Variants in NXPE2 observed in about 807,000 individuals in gnomAD.
The protein encoded by NXPE2 is NXPE family member 2.
In NXPE2, 34 loss-of-function variants were observed where a neutral mutation model predicts 34.4. The ratio of observed to expected loss-of-function variants is 0.99; its 90% CI spans 0.75 to 1.31. The LOEUF is 1.31. Ranked by LOEUF, NXPE2 falls within the 40% of genes most tolerant of loss-of-function variation. The pLI, the probability that NXPE2 is intolerant of heterozygous loss-of-function variation, is 0.00. For synonymous variants in NXPE2, 235 were observed against 231.3 expected (o/e 1.02, Z -0.15); for missense variants, 649 against 672.5 (o/e 0.97, Z 0.39).
chr11:114,758,145 G>C, the NXPE2 span, among the ~76,000 whole-genome samples: 150 of 151,052 alleles, frequency 9.9e-4, no homozygotes, highest in Admixed American at 8.2e-3. Flanking sequence ...TGCTGGAGTT[G>C]TTCACAGACA....
chr11:114,642,882 A>T, the NXPE2 span, among the ~76,000 whole-genome samples: 2 of 152,098 alleles, frequency 1.3e-5, no homozygotes, highest in Non-Finnish European at 2.9e-5. Flanking sequence ...TCTCACCAAC[A>T]GTGTAAAATA....
the NXPE2 span, chr11:114,581,750 A>T: frequency 1.2e-6 from 2 of 1,612,070 alleles, no homozygotes; most frequent in Admixed American, 1.7e-5. Flanking sequence ...CACTAATTGT[A>T]TTGAATTTTT....
chr11:114,662,176 C>T, the NXPE2 span, among the ~76,000 whole-genome samples: 3 of 152,160 alleles, frequency 2.0e-5, no homozygotes, highest in Non-Finnish European at 2.9e-5. Context: ...CACAACCCCA[C>T]CATCAACCCC....
At chr11:114,490,045 A>T in the NXPE2 span, among the ~76,000 whole-genome samples, 2 of 152,226 alleles carry the variant, frequency 1.3e-5, no homozygotes, top group East Asian at 3.8e-4. Context: ...AATCACGAGC[A>T]TTCTTATACA....
upstream of NXPE2, among the ~76,000 whole-genome samples, chr11:114,677,117 A>G (rs141477690): frequency 1.2e-3 from 189 of 152,162 alleles, no homozygotes; most frequent in African/African-American, 4.3e-3. Context: ...GGGTCTGGTC[A>G]GGGAGAGGGG....
the NXPE2 span, among the ~76,000 whole-genome samples, chr11:114,468,891 T>C: frequency 2.0e-5 from 3 of 152,230 alleles, no homozygotes; most frequent in African/African-American, 7.2e-5. Flanking sequence ...ATATGCATGT[T>C]CGAAAAATGC....
At chr11:114,601,752 A>G in the NXPE2 span, among the ~76,000 whole-genome samples, 1 of 72,870 alleles carries the variant, frequency 1.4e-5, no homozygotes, top group Non-Finnish European at 2.4e-5. Context: ...TATAATATAT[A>G]ATATATATGT....
the NXPE2 span, among the ~76,000 whole-genome samples, chr11:114,596,937 A>G: frequency 2.0e-5 from 3 of 152,230 alleles, no homozygotes; most frequent in Non-Finnish European, 2.9e-5. Context: ...TGTGCAGGTC[A>G]TCTGATGAGC....
At chr11:114,594,593 C>T in the NXPE2 span, 1 of 975,582 alleles carries the variant, frequency 1.0e-6, no homozygotes, top group East Asian at 2.4e-5. Context: ...GTAGTTTAGC[C>T]TTTCCTAGAA....
chr11:114,580,216 C>T, the NXPE2 span: 3 of 1,614,038 alleles, frequency 1.9e-6, no homozygotes, highest in Non-Finnish European at 2.5e-6. Flanking sequence ...CTCAGGCATT[C>T]CTTCATTTTG....
At chr11:114,650,583 A>G in the NXPE2 span, among the ~76,000 whole-genome samples, 3 of 152,158 alleles carry the variant, frequency 2.0e-5, no homozygotes, top group Non-Finnish European at 4.4e-5. Context: ...GAAAAAATCT[A>G]CACTGCAAAG....
At chr11:114,795,141 A>C in the NXPE2 span, among the ~76,000 whole-genome samples, 1 of 152,236 alleles carries the variant, frequency 6.6e-6, no homozygotes, top group East Asian at 1.9e-4. Context: ...TGACAGAGAT[A>C]AATAGCACGC....
the NXPE2 span, among the ~76,000 whole-genome samples, chr11:114,775,569 A>G: frequency 1.7e-3 from 256 of 152,314 alleles, no homozygotes; most frequent in Middle Eastern, 3.4e-3. Context: ...GAGAAAAAGG[A>G]TATGAGAAAG....
chr11:114,748,633 A>AT, the NXPE2 span, among the ~76,000 whole-genome samples: 1 of 152,106 alleles, frequency 6.6e-6, no homozygotes, highest in African/African-American at 2.4e-5. Flanking sequence ...CAAGTTGTAC[A>AT]TTTTGGCAGG....
chr11:114,566,222 A>G, the NXPE2 span, among the ~76,000 whole-genome samples: 90,704 of 151,906 alleles, frequency 0.6, 28,815 homozygotes, highest in African/African-American at 0.83. Flanking sequence ...AATCATCGAT[A>G]GTATTTAAGC....
chr11:114,524,606 C>G, the NXPE2 span, among the ~76,000 whole-genome samples: 86 of 151,994 alleles, frequency 5.7e-4, no homozygotes, highest in African/African-American at 2.1e-3. Flanking sequence ...AGCATTGCAC[C>G]CTAGATGATT....
chr11:114,747,623 A>G, the NXPE2 span, among the ~76,000 whole-genome samples: 1 of 152,164 alleles, frequency 6.6e-6, no homozygotes, highest in Non-Finnish European at 1.5e-5. Flanking sequence ...GGAGAGAGAG[A>G]GGGCAAGGGG....
chr11:114,610,867 G>A, the NXPE2 span, among the ~76,000 whole-genome samples: 3 of 151,714 alleles, frequency 2.0e-5, no homozygotes, highest in East Asian at 2.0e-4. Flanking sequence ...ACTGTTCCCC[G>A]GGGGAAAATA....
chr11:114,790,410 T>A, the NXPE2 span, among the ~76,000 whole-genome samples: 24 of 152,352 alleles, frequency 1.6e-4, no homozygotes, highest in South Asian at 5.0e-3. Flanking sequence ...CACTCTAAGA[T>A]AGGTATTTCA....
Sources: gnomAD v4.1 joint callset for allele counts (sites outside exome capture counted in the v4.1 genomes callset) on GRCh38, gnomAD v4.1.1 for gene constraint, MANE v1.5 for transcripts, NCBI Gene and HGNC (gene_info 2026-07-23, HGNC 2026-07-21) for gene names.